LIN9: variants seen among roughly 807,000 people sequenced by gnomAD.
LIN9 encodes the protein protein lin-9 homolog.
Under a neutral mutation model 78.0 loss-of-function variants are expected in LIN9, and 18 were observed. The ratio of observed to expected loss-of-function variants is 0.23; its 90% CI spans 0.16 to 0.34. The LOEUF (loss-of-function observed/expected upper bound fraction) is 0.34. Ranked by LOEUF, LIN9 falls within the 10% of genes least tolerant of loss-of-function variation. The pLI is 1.00. For missense variants in LIN9, 451 were observed against 644.1 expected, an observed-to-expected ratio of 0.70 and a Z score of 3.25; for synonymous variants, 192 against 215.2, an observed-to-expected ratio of 0.89 and a Z score of 0.94.
rs192905647 is a variant in LIN9 at position 226,282,586 on chromosome 1, C to T, written c.524+3747G>A. 2.8e-3 allele frequency among the ~76,000 whole-genome samples: 427 copies of T among 152,206 alleles called. 10 individuals are homozygous for T. Among genetic ancestry groups the T allele is most frequent in the Admixed American group, 0.026 (391 of 15,286 alleles). ...CTGTGATCCCAGCACTTTGGGAGGCCGAGGCGGGCAGATCACCTGAGGTCA... is the reference window on the plus strand; with the variant it reads ...CTGTGATCCCAGCACTTTGGGAGGCTGAGGCGGGCAGATCACCTGAGGTCA... On this transcript the variant is annotated intron_variant, in intron 6 of 14. Transcript: ENST00000681046.
At chr1:226,251,734 G>T (rs1658850153) in intron 10 of LIN9, among the ~76,000 whole-genome samples, 1 of 152,152 alleles carries the variant, frequency 6.6e-6, no homozygotes, top group Non-Finnish European at 1.5e-5. Flanking sequence ...TTGTAACTAG[G>T]ACATGTCAAA....
intron 13 of LIN9, 26 bp from the exon 14 acceptor site, chr1:226,233,219 T>C: frequency 1.3e-6 from 2 of 1,553,494 alleles, no homozygotes; most frequent in Middle Eastern, 1.7e-4. Context: ...TTTCAAAATT[T>C]AATTGCATTA....
At position 226,265,835 on chromosome 1, in the gene LIN9, C is replaced by T. The variant is rs181284785; in HGVS notation, c.937-201G>A. Among the ~76,000 whole-genome samples, 75 of 152,118 alleles carry T rather than the reference C, an allele frequency of 4.9e-4. No individual in the cohort carries two copies. Among genetic ancestry groups the T allele is most frequent in the African/African-American group, 1.5e-3 (62 of 41,508 alleles). ...CTGGGATTACAGGCGCGCGCCACCA[C>T]GCCCAGCTAATTTTTGTATTTTTAG... On this transcript the variant is annotated intron_variant, in intron 9 of 14. Coordinates refer to ENST00000681046, the MANE Select transcript of LIN9 (RefSeq NM_001366245.2). This position sits in a 1 kb window ranked among gnomAD's most constrained non-coding sequence, Gnocchi z 4.1.
chr1:226,261,650 G>A (rs1357777114), intron 10 of LIN9, among the ~76,000 whole-genome samples: 2 of 152,182 alleles, frequency 1.3e-5, no homozygotes, highest in Non-Finnish European at 2.9e-5. Flanking sequence ...GATATTTCAT[G>A]TTCATGGATA....
At chr1:226,282,575 C>T (rs1363434357) in intron 6 of LIN9, among the ~76,000 whole-genome samples, 2 of 152,174 alleles carry the variant, frequency 1.3e-5, no homozygotes, top group Admixed American at 6.5e-5. Context: ...GATCCCAGCA[C>T]TTTGGGAGGC....
intron 7 of LIN9, among the ~76,000 whole-genome samples, chr1:226,274,660 A>AT (rs1004650126): frequency 1.7e-3 from 231 of 135,964 alleles, no homozygotes; most frequent in African/African-American, 4.6e-3. Context: ...CTGAGGGTCT[A>AT]TTTTTTTTTT....
Position 226,267,959 on chromosome 1 carries a change from G to C in LIN9, c.814C>G (p.Leu272Val). 2 of 1,611,662 alleles carry C rather than the reference G, an allele frequency of 1.2e-6. No homozygotes were observed. Among genetic ancestry groups the C allele is most frequent in the Non-Finnish European group, 1.7e-6 (2 of 1,178,974 alleles). ...ATGTATTATGAAATACTACTTACGA[G>C]AACTTCATAGTCAGGGATGGTATGG... The part of the protein sequence containing the change: ...GTHTIPDYEV[L>V]SNEPHETMPI... Residue 272 changes from leucine to valine, a missense_variant and splice_region_variant, in exon 8 of 15, where the codon CTC (leucine) becomes GTC (valine). Coordinates refer to ENST00000681046, the MANE Select transcript of LIN9 (RefSeq NM_001366245.2).
chr1:226,267,070 G>A (rs1177240255), intron 8 of LIN9, among the ~76,000 whole-genome samples: 2 of 151,760 alleles, frequency 1.3e-5, no homozygotes, highest in Non-Finnish European at 2.9e-5. Context: ...GTGAGCAACC[G>A]CGCCTGGCCA....
In LIN9 at chr1:226,289,845, G is replaced by T. The variant is rs1314301879; in HGVS notation, c.265-2048C>A. Among the ~76,000 whole-genome samples the T allele has an allele frequency of 2.5e-4, 14 of 55,322 alleles. 1 individual carries two copies. Among genetic ancestry groups the T allele is most frequent in the African/African-American group, 9.2e-4 (12 of 13,090 alleles). The allele number at this position is 55,322 out of a possible 152,430, so 36.3% of individuals were successfully genotyped here. ...ACTAAGTAGTCCTCCGGGGGGGGGG[G>T]TGGGGGGGGGTGGGAAAGCTAGGTT... On this transcript the variant is annotated intron_variant, in intron 4 of 14. Transcript: ENST00000681046.
intron 1 of LIN9, among the ~76,000 whole-genome samples, chr1:226,307,866 A>G (rs1246751838): frequency 6.6e-6 from 1 of 152,248 alleles, no homozygotes; most frequent in African/African-American, 2.4e-5. Context: ...CCTACTGGAC[A>G]TCACAAAAGA....
chr1:226,249,387 G>C (rs1164613531), intron 11 of LIN9, among the ~76,000 whole-genome samples: 1 of 152,106 alleles, frequency 6.6e-6, no homozygotes, highest in Non-Finnish European at 1.5e-5. Flanking sequence ...TTCATGTTAT[G>C]CTTAAATGAG....
chr1:226,258,894 CAAAAAAAAAAAAA>C (rs770169450), intron 10 of LIN9, among the ~76,000 whole-genome samples: 7 of 54,778 alleles, frequency 1.3e-4, no homozygotes, highest in African/African-American at 4.7e-4. Context: ...TCTGTCTCAA[CAAAAAAAAAAAAA>C]AAAAAAAAAA....
chr1:226,261,158 A>C (rs1659561715), intron 10 of LIN9, among the ~76,000 whole-genome samples: 1 of 152,018 alleles, frequency 6.6e-6, no homozygotes, highest in Non-Finnish European at 1.5e-5. Flanking sequence ...AAAAATCTAC[A>C]AAAAAACCTC....
chr1:226,264,977 C>T (rs1050910347), intron 10 of LIN9, among the ~76,000 whole-genome samples: 1 of 152,096 alleles, frequency 6.6e-6, no homozygotes, highest in African/African-American at 2.4e-5. Context: ...TTTATTTAAT[C>T]TAATTTTCAA....
chr1:226,273,924 G>A (rs371001446), intron 7 of LIN9, among the ~76,000 whole-genome samples: 17 of 147,836 alleles, frequency 1.1e-4, no homozygotes, highest in Admixed American at 3.5e-4. Flanking sequence ...TGCAACCTCC[G>A]CCTCCTGGGT....
chr1:226,242,762 C>G (rs574247696), intron 11 of LIN9, among the ~76,000 whole-genome samples: 1 of 152,122 alleles, frequency 6.6e-6, no homozygotes, highest in Non-Finnish European at 1.5e-5. Context: ...CCTCTTCTGC[C>G]TCTGCCACCT....
intron 10 of LIN9, among the ~76,000 whole-genome samples, chr1:226,262,862 T>C (rs993310389): frequency 3.9e-5 from 6 of 152,216 alleles, no homozygotes; most frequent in African/African-American, 1.4e-4. Context: ...TTATTCATAA[T>C]TGCCAAAATT....
In LIN9 at chr1:226,233,104, A is replaced by G. The variant is rs1435934628; in HGVS notation, c.1515T>C (p.Ser505=). The G allele has an allele frequency of 6.4e-7, 1 of 1,569,944 alleles. No individual in the cohort carries two copies. Among genetic ancestry groups the G allele is most frequent in the East Asian group, 2.2e-5 (1 of 44,526 alleles). ...TATACCTAACGAATTACCTGATATT[A>G]GAAGCGTCTATTGTACTCTTGATAT... is the stretch of plus-strand genomic sequence containing the variant. ...LNDIKSTIDA[S]NISCFQNNVE... The change falls in exon 14 of 15, where the codon TCT becomes TCC. Residue 505 remains serine, a synonymous_variant. Transcript: ENST00000681046.
At position 226,232,600 on chromosome 1, in the gene LIN9, A is replaced by C; in HGVS notation, c.1530T>G (p.Phe510Leu). ...CAACATGGATTTCTACATTATTCTG[A>C]AAGCAACTAAAGAAAGAAGAAACAT... Reference protein sequence around the residue: ...STIDASNISCFQNNVEIHVAH... With the variant: ...STIDASNISCLQNNVEIHVAH... Residue 510 changes from phenylalanine (F) to leucine (L), a missense_variant, in exon 15 of 15, where the codon TTT becomes TTG. Physicochemically the swap from Phe to Leu is conservative, Grantham distance 22. Coordinates refer to ENST00000681046, the MANE Select transcript of LIN9 (RefSeq NM_001366245.2). The C allele has an allele frequency of 6.3e-7, 1 of 1,587,336 alleles. No individual in the cohort carries two copies. Among genetic ancestry groups the C allele is most frequent in the Non-Finnish European group, 8.6e-7 (1 of 1,165,032 alleles).
Sources: allele counts gnomAD v4.1 joint callset (sites outside exome capture counted in the v4.1 genomes callset), GRCh38; gene constraint gnomAD v4.1.1; non-coding constraint Gnocchi (gnomAD v3.1); transcripts MANE v1.5; gene names NCBI Gene and HGNC (gene_info 2026-07-23, HGNC 2026-07-21).